RCHY1: variants seen among roughly 807,000 people sequenced by gnomAD.
RCHY1 encodes RING finger and CHY zinc finger domain-containing protein 1.
A neutral mutation model predicts 41.6 loss-of-function variants in RCHY1; 21 were observed. The ratio of observed to expected loss-of-function variants is 0.51; its 90% confidence interval spans 0.36 to 0.73. RCHY1 has a LOEUF of 0.73. RCHY1 is among the 30% of genes least tolerant of loss of function. The probability of loss-of-function intolerance (pLI) is 0.00; values close to 1 mark genes in which losing one functional copy is unlikely to be tolerated. For synonymous variants in RCHY1, 79 were observed against 102.9 expected, an observed-to-expected ratio of 0.77 and a Z score of 1.41; for missense variants, 265 against 325.3, an observed-to-expected ratio of 0.81 and a Z score of 1.43.
At chr4:75,494,504 G>C in intron 3 of RCHY1, 1 of 239,020 alleles carries the variant, frequency 4.2e-6, no homozygotes. Context: ...TTTTTCACTT[G>C]ATATATTCTG....
chr4:75,482,391 C>T lies in RCHY1; in HGVS notation c.*147G>A, dbSNP rs536265136. On this transcript the variant is annotated 3_prime_UTR_variant, in exon 9 of 9. Transcript: ENST00000324439. ...TCTATCAAGAGACCCTGAATCCTTA[C>T]GTACTTGTAATATGATTTTATGCTG... 2.0e-5 allele frequency: 12 copies of T among 589,488 alleles called. No individual in the cohort carries two copies. Among genetic ancestry groups the T allele is most frequent in the Admixed American group, 3.6e-5 (1 of 27,642 alleles). The allele number at this position is 589,488 out of a possible 1,614,324, so 36.5% of individuals were successfully genotyped here. A position where few individuals can be genotyped will look rare whatever the true frequency, so the allele number is the denominator to read the frequency against.
intron 8 of RCHY1, among the ~76,000 whole-genome samples, chr4:75,483,330 T>G (rs905055072): frequency 6.6e-6 from 1 of 152,184 alleles, no homozygotes; most frequent in Admixed American, 6.5e-5. Flanking sequence ...ATAGTCACAC[T>G]ATAATAAGCA....
At position 75,491,773 on chromosome 4, in the gene RCHY1, T is replaced by C. The variant is rs1722773356; in HGVS notation, c.460A>G (p.Thr154Ala). The C allele has an allele frequency of 2.5e-6, 4 of 1,612,800 alleles. No individual in the cohort carries two copies. The highest frequency in any genetic ancestry group is 2.2e-5 in the South Asian group (2 of 90,952). Residue 154 changes from threonine to alanine, a missense_variant, in exon 6 of 9, where the codon ACA becomes GCA. By Grantham distance (58) the Thr-to-Ala change is moderately conservative. Transcript: ENST00000324439. ...NCPICLEDIH[T>A]SRVVAHVLPC... ...AAGACATGAGCAACAACACGGGATG[T>C]GTGAATGTCCTGTAAATGAAATAAA...
intron 3 of RCHY1, among the ~76,000 whole-genome samples, chr4:75,505,138 G>A (rs1382620538): frequency 6.6e-6 from 1 of 152,122 alleles, no homozygotes; most frequent in African/African-American, 2.4e-5. Context: ...TTCTCATAAG[G>A]AGTACACAAC....
chr4:75,481,624 A>G lies in RCHY1; in HGVS notation c.*914T>C, dbSNP rs1721528781. On this transcript the variant is annotated 3_prime_UTR_variant, in exon 9 of 9. Coordinates refer to ENST00000324439, the MANE Select transcript of RCHY1 (RefSeq NM_015436.4). ...AAGACATCCACTCCTTGCATAAAGA[A>G]AAATGAGTACATTGATCAAATATGA... The G allele has an allele frequency of 6.6e-6, 1 of 152,210 alleles. No homozygotes were observed. The highest frequency in any genetic ancestry group is 1.5e-5 in the Non-Finnish European group (1 of 68,028). The allele number at this position is 152,210 out of a possible 1,614,324, so 9.4% of individuals were successfully genotyped here. A position where few individuals can be genotyped will look rare whatever the true frequency, so the allele number is the denominator to read the frequency against.
intron 3 of RCHY1, 25 bp downstream of exon 3, chr4:75,508,795 G>A (rs773537667): frequency 1.5e-6 from 2 of 1,353,920 alleles, no homozygotes; most frequent in Non-Finnish European, 2.1e-6. Context: ...GAAGCAATTA[G>A]ATAAGAACAC....
rs971772340 is a variant in RCHY1 at position 75,493,988 on chromosome 4, T to C, written c.405+113A>G. The C allele has an allele frequency of 1.7e-5, 11 of 636,628 alleles. No homozygotes were observed. The South Asian group carries it at 1.8e-4, about 11-fold the overall frequency. 39.4% of individuals were successfully genotyped at this position (636,628 alleles called of 1,614,324 possible). A position where few individuals can be genotyped will look rare whatever the true frequency, so the allele number is the denominator to read the frequency against. On this transcript the variant is annotated intron_variant, in intron 4 of 8. Transcript: ENST00000324439. ...AATACTGCTTTTCAAAAAAGCAATA[T>C]AGTTGCACTTGGAAATACATGAAAA...
intron 8 of RCHY1, among the ~76,000 whole-genome samples, chr4:75,489,580 T>C (rs1288268395): frequency 6.6e-6 from 1 of 152,228 alleles, no homozygotes; most frequent in Non-Finnish European, 1.5e-5. Context: ...TCAGATCCCC[T>C]TGGAGTGGAA....
chr4:75,479,163 T>C lies in RCHY1; in HGVS notation c.*3375A>G, dbSNP rs574062246. ...GGTTTTTTTACCACAAAAAATGGTA[T>C]GAGGCAATAAATTTATTACATTGAT... On this transcript the variant is annotated 3_prime_UTR_variant, in exon 9 of 9. Coordinates refer to ENST00000324439, the MANE Select transcript of RCHY1 (RefSeq NM_015436.4). 1.3e-5 allele frequency: 2 copies of C among 152,274 alleles called. No homozygotes were observed. The highest frequency in any genetic ancestry group is 4.8e-5 in the African/African-American group (2 of 41,576). The allele number at this position is 152,274 out of a possible 1,614,324, so 9.4% of individuals were successfully genotyped here.
intron 3 of RCHY1, among the ~76,000 whole-genome samples, chr4:75,503,882 C>CTT (rs1724044084): frequency 6.6e-6 from 1 of 151,652 alleles, no homozygotes; most frequent in Non-Finnish European, 1.5e-5. Context: ...AGTGGACAAA[C>CTT]GTTGAAGGCA....
Position 75,482,396 on chromosome 4 carries a change from T to G in RCHY1, c.*142A>C, listed in dbSNP as rs1196842599. ...CAAGAGACCCTGAATCCTTACGTAC[T>G]TGTAATATGATTTTATGCTGTGACA... On this transcript the variant is annotated 3_prime_UTR_variant, in exon 9 of 9. Coordinates refer to ENST00000324439, the MANE Select transcript of RCHY1 (RefSeq NM_015436.4). 1.6e-6 allele frequency: 1 copy of G among 633,078 alleles called. No homozygotes were observed. Among genetic ancestry groups the G allele is most frequent in the Non-Finnish European group, 2.4e-6 (1 of 409,932 alleles). 39.2% of individuals were successfully genotyped at this position (633,078 alleles called of 1,614,324 possible).
In RCHY1 at chr4:75,491,632, C is replaced by G. The variant is rs992222335; in HGVS notation, c.515G>C (p.Cys172Ser). ...TCACTCTTTCAACATTTCTTCATAA[C>G]ACGTTCTGAAAGAAAATATAAGATT... ...LPCGHLLHRT[C>S]YEEMLKEGYR... is the part of the protein sequence containing the mutation. The change falls in exon 7 of 9, where the codon TGT becomes TCT. Residue 172 changes from cysteine to serine, a missense_variant. Transcript: ENST00000324439. 6.2e-7 allele frequency: 1 copy of G among 1,600,856 alleles called. No homozygotes were observed. Among genetic ancestry groups the G allele is most frequent in the Non-Finnish European group, 8.6e-7 (1 of 1,169,242 alleles).
intron 3 of RCHY1, among the ~76,000 whole-genome samples, chr4:75,497,217 C>G (rs1303367155): frequency 6.6e-6 from 1 of 152,100 alleles, no homozygotes; most frequent in Non-Finnish European, 1.5e-5. Flanking sequence ...TTCAAGCAAC[C>G]TAACATACAT....
At chr4:75,484,800 G>A (rs746851894) in intron 8 of RCHY1, among the ~76,000 whole-genome samples, 5 of 151,764 alleles carry the variant, frequency 3.3e-5, no homozygotes, top group East Asian at 1.9e-4. Context: ...ATAATGGAAC[G>A]TCCCAAATGA....
In RCHY1 at chr4:75,487,528, A is replaced by AATATATATATTCATAATAT. The variant is rs376115200; in HGVS notation, c.657+3052_657+3053insATATTATGAATATATATAT. 2.0e-3 allele frequency among the ~76,000 whole-genome samples: 143 copies of AATATATATATTCATAATAT among 72,702 alleles called. 2 individuals are homozygous for AATATATATATTCATAATAT. Among genetic ancestry groups the AATATATATATTCATAATAT allele is most frequent in the African/African-American group, 3.0e-3 (66 of 21,650 alleles). The allele number at this position is 72,702 out of a possible 152,430, so 47.7% of individuals were successfully genotyped here. A position where few individuals can be genotyped will look rare whatever the true frequency, so the allele number is the denominator to read the frequency against. On this transcript the variant is annotated intron_variant, in intron 8 of 8. Transcript: ENST00000324439. ...ATATATTCATAATATATATATTCAT[A>AATATATATATTCATAATAT]ATATATTCATAATATATATATTCAT...
chr4:75,506,374 T>C (rs1724308463), intron 3 of RCHY1, among the ~76,000 whole-genome samples: 1 of 151,222 alleles, frequency 6.6e-6, no homozygotes, highest in African/African-American at 2.4e-5. Flanking sequence ...AATTTACCCA[T>C]AGATAATCAA....
intron 3 of RCHY1, among the ~76,000 whole-genome samples, chr4:75,498,649 A>T (rs576063909): frequency 6.6e-6 from 1 of 152,124 alleles, no homozygotes; most frequent in Non-Finnish European, 1.5e-5. Flanking sequence ...TTTACGGCTA[A>T]CTCATATTCA....
rs961775423 is a variant in RCHY1 at position 75,482,423 on chromosome 4, T to C, written c.*115A>G. 3.5e-6 allele frequency: 3 copies of C among 868,370 alleles called. No homozygotes were observed. Among genetic ancestry groups the C allele is most frequent in the African/African-American group, 3.5e-5 (2 of 57,740 alleles). 53.8% of individuals were successfully genotyped at this position (868,370 alleles called of 1,614,324 possible). A position where few individuals can be genotyped will look rare whatever the true frequency, so the allele number is the denominator to read the frequency against. ...GTAATATGATTTTATGCTGTGACACTAGTACAAAACACATCAACTCTAATG... is the reference window on the plus strand; with the variant it reads ...GTAATATGATTTTATGCTGTGACACCAGTACAAAACACATCAACTCTAATG... On this transcript the variant is annotated 3_prime_UTR_variant, in exon 9 of 9. Transcript: ENST00000324439.
At chr4:75,491,492 C>G in intron 7 of RCHY1, 119 bp downstream of exon 7, 1 of 837,454 alleles carries the variant, frequency 1.2e-6, no homozygotes, top group Admixed American at 2.6e-5. Context: ...CTACCCATTT[C>G]AATATAAATA....
Sources: allele counts gnomAD v4.1 joint callset (sites outside exome capture counted in the v4.1 genomes callset), GRCh38; gene constraint gnomAD v4.1.1; transcripts MANE v1.5; gene names NCBI Gene and HGNC (gene_info 2026-07-23, HGNC 2026-07-21).